Variants in VPS35 observed in about 807,000 individuals in gnomAD.
VPS35 encodes VPS35 retromer complex component, also known as vacuolar protein sorting-associated protein 35.
Under a neutral mutation model 98.1 loss-of-function variants are expected in VPS35, and 21 were observed. The ratio of observed to expected loss-of-function variants is 0.21; its 90% CI spans 0.15 to 0.31. The LOEUF is 0.31. Ranked by LOEUF, VPS35 falls within the 10% of genes least tolerant of loss-of-function variation. VPS35 has a pLI of 1.00. For missense variants in VPS35, 554 were observed against 950.8 expected (o/e 0.58, Z 5.49); for synonymous variants, 268 against 318.2 (o/e 0.84, Z 1.68).
At position 46,674,336 on chromosome 16, in the gene VPS35, A is replaced by G. The variant is rs754226798; in HGVS notation, c.1138T>C (p.Phe380Leu). 3.1e-6 allele frequency: 5 copies of G among 1,614,120 alleles called. No individual in the cohort carries two copies. Among genetic ancestry groups the G allele is most frequent in the Admixed American group, 1.7e-5 (1 of 59,996 alleles). The change falls in exon 10 of 17, where the codon TTC becomes CTC. Residue 380 changes from phenylalanine (F) to leucine (L), a missense_variant. Around this residue, in one of 5 missense-constraint regions of VPS35, gnomAD observed 254 missense variants for 390.1 expected, o/e 0.65. Coordinates refer to ENST00000299138, the MANE Select transcript of VPS35 (RefSeq NM_018206.6). ...TACTGTTCAAGGTTGAGCTTATTGA[A>G]TATCTCCACTGTTGTTTCTAGAACT... ...DKVLETTVEIFNKLNLEHIAT... is the reference protein window; with the variant it reads ...DKVLETTVEILNKLNLEHIAT...
chr16:46,682,043 G>A (rs374043385), intron 3 of VPS35, 36 bp downstream of exon 3: 8 of 1,518,712 alleles, frequency 5.3e-6, no homozygotes, highest in Non-Finnish European at 7.3e-6. Flanking sequence ...AAAAAGGTAT[G>A]GTCCAAATGT....
At chr16:46,688,740 T>G in intron 1 of VPS35, 5 of 1,201,658 alleles carry the variant, frequency 4.2e-6, no homozygotes, top group Non-Finnish European at 5.2e-6. Context: ...CGGCGCCACC[T>G]CCGAGTCTCA....
chr16:46,683,568 C>A lies in VPS35; in HGVS notation c.42G>T (p.Lys14Asn). 6.2e-7 allele frequency: 1 copy of A among 1,613,988 alleles called. No homozygotes were observed. Residue 14 changes from lysine (K) to asparagine (N), a missense_variant, in exon 2 of 17, where the codon AAG becomes AAT. By Grantham distance (94) the Lys-to-Asn change is moderately conservative. Transcript: ENST00000299138. The stretch of plus-strand genomic sequence containing the variant: ...CAGCCTGTATGGCTTCATCCAAGAG[C>A]TTTTCCTGCTCATCCTGAGGGGACT... ...TQQSPQDEQE[K>N]LLDEAIQAVK... is the part of the protein sequence containing the mutation.
chr16:46,662,728 G>T (rs980206223), intron 14 of VPS35, among the ~76,000 whole-genome samples: 3 of 152,148 alleles, frequency 2.0e-5, no homozygotes, highest in African/African-American at 7.2e-5. Flanking sequence ...TTTGGGAATT[G>T]AGTGCATTTC....
At chr16:46,668,584 T>C (rs970325978) in intron 13 of VPS35, among the ~76,000 whole-genome samples, 1 of 152,214 alleles carries the variant, frequency 6.6e-6, no homozygotes. Context: ...TATTCAATGA[T>C]ATGCCTTTAG....
At chr16:46,660,723 G>T in intron 16 of VPS35, 72 bp from the exon 17 acceptor site, 1 of 1,110,440 alleles carries the variant, frequency 9.0e-7, no homozygotes, top group Non-Finnish European at 1.2e-6. Flanking sequence ...TAATAAAACT[G>T]TTTTGAGGAG....
rs939578191 is a variant in VPS35, at chr16:46,658,360, ATCT to A, written c.*2109_*2111del. Reference sequence around the variant, plus strand: ...AACGTTCTTGAAGCTAGAGGCTATGATCTTCTTCACCTTTAGATTCAGTGCCTA... The same window carrying A: ...AACGTTCTTGAAGCTAGAGGCTATGATCTTCACCTTTAGATTCAGTGCCTA... On this transcript the variant is annotated 3_prime_UTR_variant, in exon 17 of 17. Coordinates refer to ENST00000299138, the MANE Select transcript of VPS35 (RefSeq NM_018206.6). 4 of 153,872 alleles carry A rather than the reference ATCT, an allele frequency of 2.6e-5. No individual in the cohort carries two copies. The highest frequency in any genetic ancestry group is 6.8e-3 in the Middle Eastern group (2 of 294). 9.5% of individuals were successfully genotyped at this position (153,872 alleles called of 1,614,324 possible). A position where few individuals can be genotyped will look rare whatever the true frequency, so the allele number is the denominator to read the frequency against.
intron 3 of VPS35, 102 bp from the exon 4 acceptor site, chr16:46,681,602 T>A: frequency 7.4e-7 from 1 of 1,349,978 alleles, no homozygotes; most frequent in Non-Finnish European, 1.0e-6. Context: ...ACATCTTAAG[T>A]TTTAGTCCTT....
At chr16:46,688,417 G>C in intron 1 of VPS35, 2 of 987,136 alleles carry the variant, frequency 2.0e-6, no homozygotes, top group Non-Finnish European at 1.2e-6. Flanking sequence ...GCCCTAAGGA[G>C]AAGTACTGCT....
rs367591332 is a variant in VPS35, at chr16:46,682,071, A to G, written c.199+8T>C. On this transcript the variant is annotated splice_region_variant and intron_variant, in intron 3 of 16. Transcript: ENST00000299138. ...CCAAATGTTTAGTCTTCAACATTCA[A>G]AAGATACAAAGTTCATAGTAACTCT... 5.3e-4 allele frequency: 854 copies of G among 1,606,112 alleles called. 17 individuals are homozygous for G. In the South Asian group the frequency reaches 8.5e-3, roughly 16 times the overall value.
chr16:46,668,911 T>C lies in VPS35; in HGVS notation c.1647+19A>G. ...TGAAAGAGGAAAAAAAGTACCTAAA[T>C]ACTTAAAAGTAAACTCACCACTTTA... On this transcript the variant is annotated intron_variant, in intron 13 of 16. Transcript: ENST00000299138. 1 of 1,613,828 alleles carries C rather than the reference T, an allele frequency of 6.2e-7. No homozygotes were observed. Among genetic ancestry groups the C allele is most frequent in the Non-Finnish European group, 8.5e-7 (1 of 1,179,920 alleles).
At chr16:46,683,389 A>G (rs1966261985) in intron 2 of VPS35, 119 bp downstream of exon 2, 3 of 934,792 alleles carry the variant, frequency 3.2e-6, no homozygotes, top group Non-Finnish European at 5.1e-6. Flanking sequence ...GACTGAAGAT[A>G]GATGCTGGTA....
At chr16:46,680,967 C>T in intron 4 of VPS35, 114 bp from the exon 5 acceptor site, 1 of 1,156,576 alleles carries the variant, frequency 8.6e-7, no homozygotes, top group Non-Finnish European at 1.3e-6. Flanking sequence ...ATGTTGTTTT[C>T]TCCCGCATGA....
At chr16:46,675,360 T>C (rs1218697167) in intron 8 of VPS35, among the ~76,000 whole-genome samples, 2 of 152,210 alleles carry the variant, frequency 1.3e-5, no homozygotes, top group African/African-American at 2.4e-5. Flanking sequence ...AAGTCTAAAA[T>C]TCATAAAATT....
chr16:46,668,753 G>A lies in VPS35; in HGVS notation c.1647+177C>T, dbSNP rs139729462. On this transcript the variant is annotated intron_variant, in intron 13 of 16. Transcript: ENST00000299138. ...CAGTATGTGATCCACCACCATCACCGTTAGGAACACTTAGCACAGGATAAG... is the reference window on the plus strand; with the variant it reads ...CAGTATGTGATCCACCACCATCACCATTAGGAACACTTAGCACAGGATAAG... Among the ~76,000 whole-genome samples the A allele has an allele frequency of 1.1e-3, 166 of 152,284 alleles. 1 individual carries two copies. Among genetic ancestry groups the A allele is most frequent in the Non-Finnish European group, 1.6e-3 (112 of 68,032 alleles).
rs794557 is a variant in VPS35, at chr16:46,659,433, G to A, written c.*1039C>T. The A allele has an allele frequency of 0.98, 148,717 of 152,326 alleles. 72,682 individuals carry two copies. Among genetic ancestry groups the A allele is most frequent in the East Asian group, 1 (5,188 of 5,188 alleles). 9.4% of individuals were successfully genotyped at this position (152,326 alleles called of 1,614,324 possible). On this transcript the variant is annotated 3_prime_UTR_variant, in exon 17 of 17. Transcript: ENST00000299138. ...TATTATATAGTAGGTAACTAGTATC[G>A]GTGGTGAGCCTTTGGGGGGTTTATG...
Position 46,674,616 on chromosome 16 carries a change from G to A in VPS35, c.959C>T (p.Ala320Val), listed in dbSNP as rs747944333. ...AAATATATCAAAAAGTTTAATATCC[G>A]CTGGGATTCCAGGTCCATCTTCACG... ...AHREDGPGIP[A>V]DIKLFDIFSQ... Residue 320 changes from alanine to valine, a missense_variant, in exon 9 of 17, where the codon GCG becomes GTG. Around this residue, in one of 5 missense-constraint regions of VPS35, gnomAD observed 254 missense variants for 390.1 expected, o/e 0.65. Coordinates refer to ENST00000299138, the MANE Select transcript of VPS35 (RefSeq NM_018206.6). 9.1e-5 allele frequency: 146 copies of A among 1,611,110 alleles called. 1 individual carries two copies. The highest frequency in any genetic ancestry group is 7.2e-4 in the Admixed American group (43 of 59,750).
chr16:46,688,871 C>T (rs1423079368), intron 1 of VPS35: 1 of 1,434,118 alleles, frequency 7.0e-7, no homozygotes, highest in Non-Finnish European at 9.1e-7. Context: ...CCAAAGCCTA[C>T]ATGCCAAGTC....
chr16:46,683,485 G>A (rs1966264288), intron 2 of VPS35, 23 bp downstream of exon 2: 1 of 1,604,484 alleles, frequency 6.2e-7, no homozygotes, highest in Non-Finnish European at 8.5e-7. Flanking sequence ...CTGCAACTGT[G>A]CCTCCCACAT....
Sources: allele counts gnomAD v4.1 joint callset (sites outside exome capture counted in the v4.1 genomes callset), GRCh38; gene constraint gnomAD v4.1.1; regional missense constraint gnomAD v4.1.1; transcripts MANE v1.5; gene names NCBI Gene and HGNC (gene_info 2026-07-23, HGNC 2026-07-21).